The following SCHIP1 variants were observed in gnomAD, a reference collection of about 807,000 sequenced individuals.
SCHIP1 encodes schwannomin interacting protein 1, also known as schwannomin-interacting protein 1.
SCHIP1 carries 8 observed loss-of-function variants against 29.7 expected under a neutral mutation model. The observed-to-expected ratio is 0.27, with a 90% confidence interval of 0.16 to 0.49. The LOEUF (loss-of-function observed/expected upper bound fraction) is 0.49, where lower values mean the gene tolerates loss of function less well. Ranked by LOEUF, SCHIP1 falls within the 20% of genes least tolerant of loss-of-function variation. The pLI, the probability that SCHIP1 is intolerant of heterozygous loss-of-function variation, is 0.99. For missense variants in SCHIP1, 193 were observed against 294.6 expected (o/e 0.66, Z 2.52); for synonymous variants, 76 against 94.9 (o/e 0.80, Z 1.16).
chr3:159,771,620 T>C, the SCHIP1 span, among the ~76,000 whole-genome samples: 1 of 152,226 alleles, frequency 6.6e-6, no homozygotes, highest in East Asian at 1.9e-4. Flanking sequence ...GCTTAAGAGC[T>C]GCAAAGGCTG....
chr3:159,443,435 G>C, the SCHIP1 span, among the ~76,000 whole-genome samples: 1 of 152,106 alleles, frequency 6.6e-6, no homozygotes, highest in East Asian at 1.9e-4. Context: ...CCTGGAAACA[G>C]CAGTAATTTC....
the SCHIP1 span, among the ~76,000 whole-genome samples, chr3:159,790,428 C>A: frequency 6.6e-6 from 1 of 152,190 alleles, no homozygotes; most frequent in Non-Finnish European, 1.5e-5. Flanking sequence ...CAGTGGCTCA[C>A]GCCTGTAATC....
the SCHIP1 span, among the ~76,000 whole-genome samples, chr3:159,463,940 T>C: frequency 6.6e-6 from 1 of 152,178 alleles, no homozygotes; most frequent in Non-Finnish European, 1.5e-5. Flanking sequence ...TGTATGGATG[T>C]GCTATCATCA....
the SCHIP1 span, among the ~76,000 whole-genome samples, chr3:159,434,083 T>A: frequency 1.3e-5 from 2 of 152,206 alleles, no homozygotes; most frequent in African/African-American, 2.4e-5. Flanking sequence ...TCAGCATTTA[T>A]CTCAGTGAAC....
chr3:159,684,810 A>G, the SCHIP1 span, among the ~76,000 whole-genome samples: 40 of 151,618 alleles, frequency 2.6e-4, no homozygotes, highest in African/African-American at 9.0e-4. Context: ...TTGCAAAAAA[A>G]AAAAAAAGAA....
the SCHIP1 span, among the ~76,000 whole-genome samples, chr3:159,607,277 A>G: frequency 1.3e-5 from 2 of 152,224 alleles, no homozygotes; most frequent in African/African-American, 4.8e-5. Flanking sequence ...AATTGTTTAC[A>G]CACCTTATCT....
chr3:159,428,558 G>T, the SCHIP1 span, among the ~76,000 whole-genome samples: 6 of 151,942 alleles, frequency 3.9e-5, no homozygotes, highest in Non-Finnish European at 5.9e-5. Flanking sequence ...AGGTGCTGGA[G>T]AGGATGTGGA....
At chr3:159,862,835 G>T (rs1048444781) in intron 1 of SCHIP1, among the ~76,000 whole-genome samples, 3 of 151,754 alleles carry the variant, frequency 2.0e-5, no homozygotes, top group African/African-American at 7.3e-5. Context: ...TTTTTTAAGT[G>T]AAAATGTTCA....
At chr3:159,592,916 T>C in the SCHIP1 span, among the ~76,000 whole-genome samples, 2 of 152,110 alleles carry the variant, frequency 1.3e-5, no homozygotes, top group African/African-American at 2.4e-5. Context: ...CCTAACCTTA[T>C]AAAAATAAAA....
the SCHIP1 span, among the ~76,000 whole-genome samples, chr3:159,303,036 C>T: frequency 6.6e-6 from 1 of 152,048 alleles, no homozygotes; most frequent in Admixed American, 6.6e-5. Context: ...GATAAGCAAA[C>T]TGAGACATAG....
chr3:159,451,375 A>C, the SCHIP1 span, among the ~76,000 whole-genome samples: 47 of 152,350 alleles, frequency 3.1e-4, no homozygotes, highest in Admixed American at 9.1e-4. Context: ...TTATGGATAA[A>C]CCACTTGAGA....
chr3:159,884,152 G>C (rs1045486295), intron 2 of SCHIP1, among the ~76,000 whole-genome samples: 1 of 152,068 alleles, frequency 6.6e-6, no homozygotes, highest in Non-Finnish European at 1.5e-5. Flanking sequence ...TCTTTAAAAT[G>C]TGTCTGTTTT....
the SCHIP1 span, among the ~76,000 whole-genome samples, chr3:159,429,103 G>A: frequency 1.3e-5 from 2 of 151,322 alleles, no homozygotes; most frequent in African/African-American, 4.9e-5. Context: ...GCTAGATGAC[G>A]AGTTAGTGGG....
the SCHIP1 span, among the ~76,000 whole-genome samples, chr3:159,394,251 C>T: frequency 4.6e-5 from 7 of 151,032 alleles, no homozygotes; most frequent in African/African-American, 9.7e-5. Flanking sequence ...ACAATCATGT[C>T]GTCTGCAAAC....
At chr3:159,434,264 T>A in the SCHIP1 span, among the ~76,000 whole-genome samples, 1 of 152,172 alleles carries the variant, frequency 6.6e-6, no homozygotes, top group Non-Finnish European at 1.5e-5. Context: ...GTTGTAGAGC[T>A]GTTTGCAGAA....
chr3:159,312,737 G>C, the SCHIP1 span, among the ~76,000 whole-genome samples: 1 of 152,108 alleles, frequency 6.6e-6, no homozygotes, highest in Admixed American at 6.5e-5. Context: ...GAGGTGCCTG[G>C]TCCAACTTAA....
At chr3:159,411,000 A>G in the SCHIP1 span, among the ~76,000 whole-genome samples, 2 of 152,128 alleles carry the variant, frequency 1.3e-5, no homozygotes, top group African/African-American at 2.4e-5. Flanking sequence ...AGAGGTTATT[A>G]TGTTAAGTGA....
chr3:159,886,145 A>G lies in SCHIP1; in HGVS notation c.150-62A>G, dbSNP rs190923724. On this transcript the variant is annotated intron_variant, in intron 2 of 6. Transcript: ENST00000445224. ...TCTGTTAGCAAAATCAGACAGTTCT[A>G]TTGGCTGAAGCCAAATAACAAACAG... The G allele has an allele frequency of 3.4e-4, 532 of 1,578,414 alleles. 2 individuals are homozygous for G. In the Middle Eastern group the frequency reaches 5.2e-3, roughly 15 times the overall value.
At chr3:159,408,472 G>C in the SCHIP1 span, among the ~76,000 whole-genome samples, 26 of 150,742 alleles carry the variant, frequency 1.7e-4, no homozygotes, top group Non-Finnish European at 2.1e-4. Flanking sequence ...TTTAAAATCA[G>C]TGATGAAAAA....
Sources: gnomAD v4.1 joint callset for allele counts (sites outside exome capture counted in the v4.1 genomes callset) on GRCh38, gnomAD v4.1.1 for gene constraint, MANE v1.5 for transcripts, NCBI Gene and HGNC (gene_info 2026-07-23, HGNC 2026-07-21) for gene names.